The following NCOR1 variants were observed in gnomAD, a reference collection of about 807,000 sequenced individuals.
NCOR1 encodes the protein nuclear receptor corepressor 1.
Under a neutral mutation model 288.1 loss-of-function variants are expected in NCOR1, and 63 were observed. That is an observed-to-expected ratio of 0.22 (90% confidence interval 0.18 to 0.27). The LOEUF is 0.27. NCOR1 is among the 10% of genes least tolerant of loss of function. The pLI is 1.00. For missense variants in NCOR1, 2,397 were observed against 3,019.2 expected (o/e 0.79, Z 4.83); for synonymous variants, 1,007 against 1,065.9 (o/e 0.94, Z 1.08).
chr17:16,128,444 C>T (rs538150457), intron 14 of NCOR1, among the ~76,000 whole-genome samples: 1 of 152,258 alleles, frequency 6.6e-6, no homozygotes, highest in Non-Finnish European at 1.5e-5. Context: ...CAGCATCCAT[C>T]TGGCTCTCTG....
At chr17:16,113,025 C>T (rs569208909) in intron 18 of NCOR1, among the ~76,000 whole-genome samples, 11 of 152,250 alleles carry the variant, frequency 7.2e-5, no homozygotes, top group African/African-American at 2.6e-4. Context: ...ATTCTCCTGC[C>T]TCAGCCTCCC....
Position 16,101,651 on chromosome 17 carries a change from T to C in NCOR1, c.2289A>G (p.Thr763=). ...LEPTTETAPS[T]SPSLAVPSTK... is the part of the protein sequence containing the mutation. ...TACTTGGAACTGCTAAGGAGGGAGA[T>C]GTACTGGGTGCAGTTTCCGTGGTGG... Residue 763 remains threonine (T), a synonymous_variant, in exon 20 of 46, where the codon ACA becomes ACG. Transcript: ENST00000268712. The C allele has an allele frequency of 2.5e-6, 4 of 1,614,202 alleles. No individual in the cohort carries two copies. Among genetic ancestry groups the C allele is most frequent in the Non-Finnish European group, 2.5e-6 (3 of 1,180,034 alleles).
chr17:16,212,575 G>A (rs1253686522), intron 1 of NCOR1, among the ~76,000 whole-genome samples: 2 of 152,054 alleles, frequency 1.3e-5, no homozygotes, highest in Non-Finnish European at 2.9e-5. Flanking sequence ...ATCATTCCCA[G>A]GCATCAAGAA....
chr17:16,125,756 G>A (rs1414315968), intron 15 of NCOR1, among the ~76,000 whole-genome samples: 1 of 149,898 alleles, frequency 6.7e-6, no homozygotes, highest in African/African-American at 2.5e-5. Flanking sequence ...TCAAACTAAC[G>A]GCTATCATCT....
chr17:16,095,767 T>C (rs12937434), intron 21 of NCOR1, among the ~76,000 whole-genome samples: 80,776 of 131,890 alleles, frequency 0.61, 24,455 homozygotes, highest in African/African-American at 0.81. Flanking sequence ...TCTGCCCGGC[T>C]GCCCCTACTG....
chr17:16,205,306 A>G (rs2091354561), intron 1 of NCOR1, among the ~76,000 whole-genome samples: 2 of 152,320 alleles, frequency 1.3e-5, no homozygotes, highest in South Asian at 2.1e-4. Flanking sequence ...GGAAATAACC[A>G]AAGAACAAAA....
chr17:16,127,194 T>G (rs1007379856), intron 14 of NCOR1, among the ~76,000 whole-genome samples: 2 of 148,374 alleles, frequency 1.3e-5, no homozygotes, highest in South Asian at 2.1e-4. Context: ...TGTATGTATA[T>G]ATACATGTAT....
At chr17:16,127,718 T>TAC (rs2074945368) in intron 14 of NCOR1, among the ~76,000 whole-genome samples, 1 of 136,340 alleles carries the variant, frequency 7.3e-6, no homozygotes. Context: ...TGTGTGTATA[T>TAC]ATACATATAT....
rs1568640651 is a variant in NCOR1 at position 16,199,219 on chromosome 17, AC to A, written c.-70-4581del. Among the ~76,000 whole-genome samples the A allele has an allele frequency of 6.2e-3, 410 of 66,534 alleles. 3 individuals carry two copies. In the East Asian group the frequency reaches 0.098, roughly 16 times the overall value. 43.6% of individuals were successfully genotyped at this position (66,534 alleles called of 152,430 possible). On this transcript the variant is annotated intron_variant, in intron 1 of 45. Transcript: ENST00000268712. ...AATACAGAAGGAAAAAAAAAAAAACACACACACACACACACACACACACACT... is the reference window on the plus strand; with the variant it reads ...AATACAGAAGGAAAAAAAAAAAAACAACACACACACACACACACACACACT...
At chr17:16,191,079 T>G (rs2088165348) in intron 2 of NCOR1, among the ~76,000 whole-genome samples, 1 of 152,228 alleles carries the variant, frequency 6.6e-6, no homozygotes, top group African/African-American at 2.4e-5. Flanking sequence ...TTGGGATCCC[T>G]TAAGCCTATG....
intron 37 of NCOR1, among the ~76,000 whole-genome samples, chr17:16,059,261 T>C (rs1239460747): frequency 1.3e-5 from 2 of 152,082 alleles, no homozygotes; most frequent in East Asian, 1.9e-4. Flanking sequence ...GGACACTCTG[T>C]TCTTAGAAAA....
At chr17:16,072,773 A>C (rs1191028768) in intron 28 of NCOR1, among the ~76,000 whole-genome samples, 1 of 152,252 alleles carries the variant, frequency 6.6e-6, no homozygotes, top group African/African-American at 2.4e-5. Context: ...TACAGCTCTT[A>C]GAAAATTACA....
chr17:16,114,629 T>G (rs113340920), intron 18 of NCOR1, among the ~76,000 whole-genome samples: 85 of 152,190 alleles, frequency 5.6e-4, no homozygotes, highest in African/African-American at 2.0e-3. Flanking sequence ...AAAGGGGCTA[T>G]AGGGTCTATC....
intron 1 of NCOR1, among the ~76,000 whole-genome samples, chr17:16,195,030 A>T (rs1033113242): frequency 4.6e-5 from 7 of 152,254 alleles, no homozygotes; most frequent in African/African-American, 1.7e-4. Flanking sequence ...TTTTAAGGTA[A>T]GCATTTGTGC....
At chr17:16,093,731 C>T (rs2065824379) in intron 21 of NCOR1, among the ~76,000 whole-genome samples, 1 of 152,124 alleles carries the variant, frequency 6.6e-6, no homozygotes, top group African/African-American at 2.4e-5. Context: ...ATAGCTTTTC[C>T]TCCTTTTGCT....
chr17:16,213,489 C>CAGAAAAAA (rs2092320559), intron 1 of NCOR1, among the ~76,000 whole-genome samples: 1 of 78,132 alleles, frequency 1.3e-5, no homozygotes, highest in African/African-American at 4.2e-5. Context: ...AAGACTGTCT[C>CAGAAAAAA]AAAAAAAAAA....
intron 41 of NCOR1, among the ~76,000 whole-genome samples, chr17:16,047,474 C>T (rs2058804410): frequency 6.6e-6 from 1 of 152,134 alleles, no homozygotes; most frequent in South Asian, 2.1e-4. Flanking sequence ...AACAATTTTA[C>T]TAGAATTAGT....
rs762776993 is a variant in NCOR1, at chr17:16,064,106, C to T, written c.5183G>A (p.Arg1728Gln). ...REREKERERE[R>Q]IAAASSDLYL... ...GAGGTCGGAGGAAGCTGCAGCAATCCGTTCCCGCTCCCGCTCCTTCTCCCG... is the reference window on the plus strand; with the variant it reads ...GAGGTCGGAGGAAGCTGCAGCAATCTGTTCCCGCTCCCGCTCCTTCTCCCG... Residue 1728 changes from arginine (R) to glutamine (Q), a missense_variant, in exon 35 of 46, where the codon CGG (arginine) becomes CAG (glutamine). Arg to Gln is a conservative substitution (Grantham distance 43). Coordinates refer to ENST00000268712, the MANE Select transcript of NCOR1 (RefSeq NM_006311.4). 15 of 1,614,124 alleles carry T rather than the reference C, an allele frequency of 9.3e-6. No homozygotes were observed. Among genetic ancestry groups the T allele is most frequent in the East Asian group, 4.5e-5 (2 of 44,876 alleles).
At chr17:16,155,100 T>A (rs1247146690) in intron 6 of NCOR1, among the ~76,000 whole-genome samples, 1 of 152,028 alleles carries the variant, frequency 6.6e-6, no homozygotes, top group Non-Finnish European at 1.5e-5. Context: ...GCCTGTAATA[T>A]CAACACTTTG....
Sources: gnomAD v4.1 joint callset for allele counts (sites outside exome capture counted in the v4.1 genomes callset) on GRCh38, gnomAD v4.1.1 for gene constraint, MANE v1.5 for transcripts, NCBI Gene and HGNC (gene_info 2026-07-23, HGNC 2026-07-21) for gene names.